The following GRM1 variants were observed in gnomAD, a reference collection of about 807,000 sequenced individuals.
GRM1 encodes the protein metabotropic glutamate receptor 1.
Under a neutral mutation model 90.9 loss-of-function variants are expected in GRM1, and 33 were observed. The ratio of observed to expected loss-of-function variants is 0.36; its 90% CI spans 0.28 to 0.49. The LOEUF (loss-of-function observed/expected upper bound fraction) is 0.49, where lower values mean the gene tolerates loss of function less well. Among genes scored for constraint, GRM1 ranks in the 20% least tolerant of loss-of-function variants. GRM1 has a pLI of 0.99. For synonymous variants in GRM1, 700 were observed against 613.2 expected (o/e 1.14, Z -2.09); for missense variants, 1,190 against 1,534.3 (o/e 0.78, Z 3.75).
chr6:146,316,712 G>T (rs1299136259), intron 3 of GRM1, among the ~76,000 whole-genome samples: 1 of 152,100 alleles, frequency 6.6e-6, no homozygotes, highest in African/African-American at 2.4e-5. Flanking sequence ...CCTCCTTGGC[G>T]TCCTCTGACG....
intron 2 of GRM1, among the ~76,000 whole-genome samples, chr6:146,211,371 G>A (rs967402981): frequency 2.4e-4 from 36 of 150,910 alleles, no homozygotes; most frequent in African/African-American, 5.6e-4. Flanking sequence ...GGAAAGCAAA[G>A]AAAATGTGTT....
chr6:146,270,117 T>C (rs934461897), intron 2 of GRM1, among the ~76,000 whole-genome samples: 2 of 152,072 alleles, frequency 1.3e-5, no homozygotes, highest in African/African-American at 4.8e-5. Context: ...GCTGGAAAAA[T>C]TAGATTTAGG....
chr6:146,269,452 A>T, intron 2 of GRM1, among the ~76,000 whole-genome samples: 1 of 152,224 alleles, frequency 6.6e-6, no homozygotes, highest in East Asian at 1.9e-4. Context: ...TCACATACAC[A>T]CTTCACAGAG....
At chr6:146,232,769 C>T (rs1780492032) in intron 2 of GRM1, among the ~76,000 whole-genome samples, 1 of 152,010 alleles carries the variant, frequency 6.6e-6, no homozygotes, top group African/African-American at 2.4e-5. Context: ...TGTTAAGGCC[C>T]TATCTCTAAA....
chr6:146,280,828 A>G (rs866308145), intron 2 of GRM1, among the ~76,000 whole-genome samples: 2 of 151,906 alleles, frequency 1.3e-5, no homozygotes, highest in East Asian at 1.9e-4. Flanking sequence ...GGGTCGGACT[A>G]TGCTGCTGAG....
At chr6:146,342,213 A>G (rs1369018075) in intron 3 of GRM1, among the ~76,000 whole-genome samples, 1 of 152,214 alleles carries the variant, frequency 6.6e-6, no homozygotes, top group Non-Finnish European at 1.5e-5. Flanking sequence ...AACCTCCTCT[A>G]TGCAGTGATG....
At chr6:146,207,669 C>T (rs745982051) in intron 2 of GRM1, among the ~76,000 whole-genome samples, 176 of 152,088 alleles carry the variant, frequency 1.2e-3, no homozygotes, top group Admixed American at 3.1e-3. Context: ...CACACACCAC[C>T]CAAACCCCAT....
At chr6:146,093,522 T>C (rs1200066431) in intron 1 of GRM1, among the ~76,000 whole-genome samples, 1 of 152,124 alleles carries the variant, frequency 6.6e-6, no homozygotes, top group Non-Finnish European at 1.5e-5. Context: ...CTCTCTAACA[T>C]CCTTTGTGGC....
At chr6:146,192,807 A>G (rs1778975200) in intron 2 of GRM1, among the ~76,000 whole-genome samples, 1 of 152,242 alleles carries the variant, frequency 6.6e-6, no homozygotes, top group Non-Finnish European at 1.5e-5. Flanking sequence ...TTAGTTATAC[A>G]TATGGTCTGA....
intron 1 of GRM1, among the ~76,000 whole-genome samples, chr6:146,082,464 C>T (rs530812786): frequency 2.6e-5 from 4 of 152,148 alleles, no homozygotes; most frequent in South Asian, 2.1e-4. Context: ...CCTGTGGTTT[C>T]GTCTTTTTAA....
chr6:146,047,857 G>A (rs910920819), intron 1 of GRM1, among the ~76,000 whole-genome samples: 2 of 151,964 alleles, frequency 1.3e-5, no homozygotes, highest in Non-Finnish European at 2.9e-5. Flanking sequence ...AATGACACTG[G>A]GTGAAAATTT....
chr6:146,179,925 T>G (rs1009265758), intron 2 of GRM1, among the ~76,000 whole-genome samples: 3 of 152,004 alleles, frequency 2.0e-5, no homozygotes, highest in Non-Finnish European at 4.4e-5. Flanking sequence ...GAGGATTGCT[T>G]GAGTCCAGGA....
At chr6:146,196,757 C>T (rs1436274402) in intron 2 of GRM1, among the ~76,000 whole-genome samples, 1 of 152,054 alleles carries the variant, frequency 6.6e-6, no homozygotes, top group Non-Finnish European at 1.5e-5. Flanking sequence ...TTAATAAACT[C>T]TCCAGGTGAA....
chr6:146,388,988 A>G lies in GRM1; in HGVS notation c.1729+1972A>G, dbSNP rs142163568. ...TCTCACTCTGCCATGGTTGCATGCA[A>G]TGGCCTGGCTTGGAAAAGCTTTTCC... On this transcript the variant is annotated intron_variant, in intron 6 of 7. Transcript: ENST00000282753. 9.3e-4 allele frequency among the ~76,000 whole-genome samples: 142 copies of G among 152,114 alleles called. 1 individual carries two copies. The highest frequency in any genetic ancestry group is 3.3e-3 in the African/African-American group (135 of 41,506).
intron 2 of GRM1, among the ~76,000 whole-genome samples, chr6:146,200,086 G>A (rs996885196): frequency 6.6e-6 from 1 of 152,126 alleles, no homozygotes; most frequent in African/African-American, 2.4e-5. Flanking sequence ...ATGTTTCAGG[G>A]TTCCAGATTT....
intron 3 of GRM1, among the ~76,000 whole-genome samples, chr6:146,316,460 TGTTAC>T (rs1783971806): frequency 1.3e-5 from 2 of 152,366 alleles, no homozygotes; most frequent in African/African-American, 4.8e-5. Flanking sequence ...TTTGTGGGAC[TGTTAC>T]GTTGTCTACC....
chr6:146,270,538 T>C (rs1265553564), intron 2 of GRM1, among the ~76,000 whole-genome samples: 2 of 152,088 alleles, frequency 1.3e-5, no homozygotes, highest in African/African-American at 2.4e-5. Flanking sequence ...AAAGGATGAG[T>C]TGTGCTCTGG....
At chr6:146,109,211 GC>G (rs1442184463) in intron 1 of GRM1, among the ~76,000 whole-genome samples, 5 of 152,090 alleles carry the variant, frequency 3.3e-5, no homozygotes, top group African/African-American at 7.2e-5. Context: ...TTTTATGGCA[GC>G]CCCCCCAATC....
chr6:146,096,560 A>G (rs890643898), intron 1 of GRM1, among the ~76,000 whole-genome samples: 1 of 152,206 alleles, frequency 6.6e-6, no homozygotes, highest in South Asian at 2.1e-4. Flanking sequence ...CTACAATATT[A>G]ATCTCATGAA....
Sources: allele counts gnomAD v4.1 joint callset (sites outside exome capture counted in the v4.1 genomes callset), GRCh38; gene constraint gnomAD v4.1.1; transcripts MANE v1.5; gene names NCBI Gene and HGNC (gene_info 2026-07-23, HGNC 2026-07-21).